PRPF3: variants seen among roughly 807,000 people sequenced by gnomAD.
PRPF3 encodes the protein pre-mRNA processing factor 3.
In PRPF3, 3 loss-of-function variants were observed where a neutral mutation model predicts 89.2. The ratio of observed to expected loss-of-function variants is 0.03; its 90% CI spans 0.02 to 0.09. The LOEUF (loss-of-function observed/expected upper bound fraction) is 0.09, where lower values mean the gene tolerates loss of function less well. Among genes scored for constraint, PRPF3 ranks in the 10% least tolerant of loss-of-function variants. The probability of loss-of-function intolerance (pLI) is 1.00; values close to 1 mark genes in which losing one functional copy is unlikely to be tolerated. For synonymous variants in PRPF3, 270 were observed against 289.1 expected, an observed-to-expected ratio of 0.93 and a Z score of 0.67; for missense variants, 463 against 828.8, an observed-to-expected ratio of 0.56 and a Z score of 5.42.
chr1:150,334,447 T>G (rs1300545273), intron 6 of PRPF3, among the ~76,000 whole-genome samples: 3 of 152,036 alleles, frequency 2.0e-5, no homozygotes, highest in African/African-American at 7.2e-5. Flanking sequence ...CTGCAACCTC[T>G]GCCTCCCAGG....
intron 6 of PRPF3, among the ~76,000 whole-genome samples, chr1:150,334,729 C>T (rs1323222913): frequency 1.3e-5 from 2 of 151,816 alleles, no homozygotes; most frequent in African/African-American, 4.8e-5. Context: ...GCCACCGCAC[C>T]CAGCTAATTT....
intron 3 of PRPF3, 46 bp downstream of exon 3, chr1:150,325,927 G>C (rs1367630244): frequency 6.2e-7 from 1 of 1,603,512 alleles, no homozygotes; most frequent in Non-Finnish European, 8.5e-7. Flanking sequence ...TGTTTTGAAT[G>C]GTAACAGAGT....
intron 15 of PRPF3, among the ~76,000 whole-genome samples, chr1:150,350,220 T>A (rs1192381131): frequency 6.1e-5 from 6 of 99,144 alleles, no homozygotes; most frequent in South Asian, 2.8e-4. Context: ...TTTTTTTTTT[T>A]GAGAGAGTTT....
chr1:150,352,813 A>G lies in PRPF3; in HGVS notation c.1906-20A>G, dbSNP rs1659081638. On this transcript the variant is annotated intron_variant, in intron 15 of 15. Transcript: ENST00000324862. ...TTAAATAAGAAATTGAAGTGTTTTTATTATATATCTCTTTTCTAGGGTACA... is the reference window on the plus strand; with the variant it reads ...TTAAATAAGAAATTGAAGTGTTTTTGTTATATATCTCTTTTCTAGGGTACA... 6.2e-7 allele frequency: 1 copy of G among 1,612,062 alleles called. No individual in the cohort carries two copies. The highest frequency in any genetic ancestry group is 8.5e-7 in the Non-Finnish European group (1 of 1,178,374).
intron 15 of PRPF3, among the ~76,000 whole-genome samples, chr1:150,352,437 G>A (rs12408168): frequency 1.3e-5 from 2 of 152,220 alleles, no homozygotes; most frequent in Non-Finnish European, 2.9e-5. Flanking sequence ...AGGCTGAGGC[G>A]GGAGGATCAC....
intron 3 of PRPF3, among the ~76,000 whole-genome samples, chr1:150,326,783 G>A (rs183731762): frequency 6.6e-6 from 1 of 152,226 alleles, no homozygotes; most frequent in Non-Finnish European, 1.5e-5. Flanking sequence ...TTTGTAATTT[G>A]TCAGGCAGTG....
chr1:150,335,366 T>C (rs1656850932), intron 7 of PRPF3, 125 bp downstream of exon 7: 1 of 1,141,970 alleles, frequency 8.8e-7, no homozygotes, highest in African/African-American at 1.5e-5. Context: ...GTCCTCAACC[T>C]TTTTGGCACC....
At position 150,324,918 on chromosome 1, in the gene PRPF3, G is replaced by A; in HGVS notation, c.-25G>A. On this transcript the variant is annotated 5_prime_UTR_variant, in exon 2 of 16. Coordinates refer to ENST00000324862, the MANE Select transcript of PRPF3 (RefSeq NM_004698.4). ...AGGTGTAGTATTGAGTCCTGTTTGA[G>A]CTATTGTTCTCTTTTTCCTGAAAAA... 1 of 1,556,722 alleles carries A rather than the reference G, an allele frequency of 6.4e-7. No individual in the cohort carries two copies. The highest frequency in any genetic ancestry group is 8.7e-7 in the Non-Finnish European group (1 of 1,146,828).
intron 1 of PRPF3, among the ~76,000 whole-genome samples, chr1:150,323,016 A>T (rs587626186): frequency 4.9e-4 from 75 of 151,818 alleles, no homozygotes; most frequent in African/African-American, 1.8e-3. Context: ...CTGGGATTAC[A>T]GGTGCAGGTC....
chr1:150,347,447 A>T (rs1001674264), intron 14 of PRPF3, among the ~76,000 whole-genome samples: 10 of 152,000 alleles, frequency 6.6e-5, no homozygotes, highest in African/African-American at 2.4e-4. Flanking sequence ...AAATGCATTT[A>T]AGGCCAGGCA....
chr1:150,350,594 A>G (rs1658829012), intron 15 of PRPF3, among the ~76,000 whole-genome samples: 1 of 152,230 alleles, frequency 6.6e-6, no homozygotes, highest in Non-Finnish European at 1.5e-5. Context: ...ATTCTTTATT[A>G]TAAAAGTGGT....
intron 4 of PRPF3, among the ~76,000 whole-genome samples, chr1:150,331,357 A>T (rs150653184): frequency 7.1e-6 from 1 of 141,558 alleles, no homozygotes; most frequent in East Asian, 2.2e-4. Context: ...TAATTTTTTT[A>T]TTTTCTTTCT....
chr1:150,347,533 C>T (rs1560118763), intron 14 of PRPF3, among the ~76,000 whole-genome samples: 1 of 152,084 alleles, frequency 6.6e-6, no homozygotes, highest in Non-Finnish European at 1.5e-5. Context: ...GAGTTCGTAA[C>T]AGCCTGGCCA....
chr1:150,342,630 C>G (rs1244831400), intron 9 of PRPF3, among the ~76,000 whole-genome samples: 1 of 152,040 alleles, frequency 6.6e-6, no homozygotes, highest in Non-Finnish European at 1.5e-5. Context: ...TCAAGTGATT[C>G]TCCTGCCTCA....
At chr1:150,346,334 T>C (rs1658267921) in intron 13 of PRPF3, 74 bp from the exon 14 acceptor site, 2 of 1,459,140 alleles carry the variant, frequency 1.4e-6, no homozygotes, top group Non-Finnish European at 1.9e-6. Flanking sequence ...ACCACATTAA[T>C]GTCTGAGCTC....
intron 14 of PRPF3, among the ~76,000 whole-genome samples, chr1:150,347,275 TAC>T (rs781861293): frequency 4.9e-4 from 74 of 150,512 alleles, no homozygotes; most frequent in African/African-American, 8.5e-4. Context: ...TACACATACA[TAC>T]ACACACACAC....
chr1:150,332,590 G>C (rs1240188325), intron 4 of PRPF3, 94 bp from the exon 5 acceptor site: 1 of 1,207,548 alleles, frequency 8.3e-7, no homozygotes, highest in Non-Finnish European at 1.2e-6. Context: ...CATTTTAAGT[G>C]TCTAGACCTG....
Position 150,333,150 on chromosome 1 carries a change from G to A in PRPF3, c.679G>A (p.Ala227Thr), listed in dbSNP as rs782078824. Residue 227 changes from alanine (A) to threonine (T), a missense_variant, in exon 6 of 16, where the codon GCC becomes ACC. Transcript: ENST00000324862. ...LALKPGLIGN[A>T]NMVGLANLHA... ...ACTGAAGCCAGGACTCATCGGCAAT[G>A]CCAACATGGTGGGCCTGGCTAATCT... 4 of 1,614,228 alleles carry A rather than the reference G, an allele frequency of 2.5e-6. No homozygotes were observed. Among genetic ancestry groups the A allele is most frequent in the East Asian group, 2.2e-5 (1 of 44,878 alleles).
At chr1:150,334,908 T>A in intron 6 of PRPF3, 27 bp from the exon 7 acceptor site, 8 of 1,613,408 alleles carry the variant, frequency 5.0e-6, no homozygotes, top group Non-Finnish European at 6.8e-6. Context: ...CCATACAGGA[T>A]TTATTTCTTT....
Sources: gnomAD v4.1 joint callset for allele counts (sites outside exome capture counted in the v4.1 genomes callset) on GRCh38, gnomAD v4.1.1 for gene constraint, MANE v1.5 for transcripts, NCBI Gene and HGNC (gene_info 2026-07-23, HGNC 2026-07-21) for gene names.